The following GABRG3 variants were observed in gnomAD, a reference collection of about 807,000 sequenced individuals.
The protein encoded by GABRG3 is gamma-aminobutyric acid type A receptor subunit gamma3, also known as gamma-aminobutyric acid receptor subunit gamma-3.
Under a neutral mutation model 48.8 loss-of-function variants are expected in GABRG3, and 25 were observed. The ratio of observed to expected loss-of-function variants is 0.51; its 90% CI spans 0.37 to 0.72. The LOEUF is 0.72. Among genes scored for constraint, GABRG3 ranks in the 30% least tolerant of loss-of-function variants. The probability of loss-of-function intolerance (pLI) is 0.00; values close to 1 mark genes in which losing one functional copy is unlikely to be tolerated. For missense variants in GABRG3, 394 were observed against 577.9 expected (o/e 0.68, Z 3.26); for synonymous variants, 227 against 217.6 (o/e 1.04, Z -0.38).
chr15:27,442,343 C>G (rs1247724858), intron 5 of GABRG3, among the ~76,000 whole-genome samples: 1 of 152,244 alleles, frequency 6.6e-6, no homozygotes, highest in Non-Finnish European at 1.5e-5. Context: ...TACCCACAGC[C>G]TCAGGAAGAT....
At chr15:27,394,845 A>T (rs1887252915) in intron 5 of GABRG3, among the ~76,000 whole-genome samples, 1 of 151,992 alleles carries the variant, frequency 6.6e-6, no homozygotes, top group East Asian at 1.9e-4. Context: ...CCCTTGTACT[A>T]TGAGATTTTT....
intron 5 of GABRG3, among the ~76,000 whole-genome samples, chr15:27,479,186 T>C (rs1426343577): frequency 6.6e-6 from 1 of 151,940 alleles, no homozygotes; most frequent in Non-Finnish European, 1.5e-5. Context: ...ATGTGCATTA[T>C]GTCTCAAATA....
intron 2 of GABRG3, among the ~76,000 whole-genome samples, chr15:26,989,108 A>G (rs941545324): frequency 2.0e-5 from 3 of 152,168 alleles, no homozygotes; most frequent in Admixed American, 6.5e-5. Context: ...TTGGTAACCA[A>G]TAGTCTAATT....
In GABRG3 at chr15:27,319,783, T is replaced by C. The variant is rs1893358199; in HGVS notation, c.271-7026T>C. Among the ~76,000 whole-genome samples, 1 of 152,140 alleles carries C rather than the reference T, an allele frequency of 6.6e-6. No homozygotes were observed. The highest frequency in any genetic ancestry group is 2.4e-5 in the African/African-American group (1 of 41,426). ...AGCACGATACACGGAGCCTTGAGTA[T>C]CATGCAAAGAATATTAACCCCAATT... On this transcript the variant is annotated intron_variant, in intron 3 of 9. Transcript: ENST00000615808. This position sits in a 1 kb window ranked among gnomAD's most constrained non-coding sequence, Gnocchi z 4.4.
At chr15:27,200,597 C>T (rs953823133) in intron 3 of GABRG3, among the ~76,000 whole-genome samples, 10 of 152,158 alleles carry the variant, frequency 6.6e-5, no homozygotes, top group Non-Finnish European at 4.4e-5. Context: ...ACCCTTTTCA[C>T]CTCTTAGAGG....
intron 5 of GABRG3, among the ~76,000 whole-genome samples, chr15:27,403,592 A>C (rs1280206263): frequency 6.6e-6 from 1 of 152,178 alleles, no homozygotes; most frequent in Non-Finnish European, 1.5e-5. Context: ...TGGAATTCAG[A>C]AGACAACGGA....
chr15:27,312,152 A>G (rs1893018128), intron 3 of GABRG3, among the ~76,000 whole-genome samples: 1 of 152,180 alleles, frequency 6.6e-6, no homozygotes, highest in Non-Finnish European at 1.5e-5. Context: ...GAAGAATAAT[A>G]ACTCAGCCGA....
chr15:27,279,880 A>G (rs939090790), intron 3 of GABRG3, among the ~76,000 whole-genome samples: 1 of 152,204 alleles, frequency 6.6e-6, no homozygotes, highest in Non-Finnish European at 1.5e-5. Context: ...CTTCCAATCC[A>G]TGAAAAAAGG....
chr15:27,433,944 C>T (rs1349166875), intron 5 of GABRG3, among the ~76,000 whole-genome samples: 4 of 152,138 alleles, frequency 2.6e-5, no homozygotes, highest in African/African-American at 9.7e-5. Flanking sequence ...CAAATGTTTA[C>T]CTCCCCCCAA....
intron 5 of GABRG3, among the ~76,000 whole-genome samples, chr15:27,399,113 G>A (rs1887405528): frequency 6.6e-6 from 1 of 152,166 alleles, no homozygotes; most frequent in Non-Finnish European, 1.5e-5. Context: ...GGGTTCAAAA[G>A]CTAAAACAAT....
chr15:27,277,712 A>G (rs557706212), intron 3 of GABRG3, among the ~76,000 whole-genome samples: 1 of 152,330 alleles, frequency 6.6e-6, no homozygotes, highest in Admixed American at 6.5e-5. Context: ...ATTACAAAAG[A>G]CTTTGACCTT....
chr15:27,395,522 A>T (rs1450443692), intron 5 of GABRG3, among the ~76,000 whole-genome samples: 1 of 152,210 alleles, frequency 6.6e-6, no homozygotes, highest in Non-Finnish European at 1.5e-5. Flanking sequence ...TGAAAGTCTT[A>T]TTGTCAATAG....
chr15:27,293,297 C>A (rs1326386424), intron 3 of GABRG3, among the ~76,000 whole-genome samples: 4 of 152,130 alleles, frequency 2.6e-5, no homozygotes, highest in African/African-American at 7.2e-5. Context: ...CATTATATAA[C>A]AAAGATCTGA....
chr15:27,229,034 A>G (rs1044240207), intron 3 of GABRG3, among the ~76,000 whole-genome samples: 11 of 152,120 alleles, frequency 7.2e-5, no homozygotes, highest in Admixed American at 6.5e-4. Flanking sequence ...ATCTGTTAAT[A>G]TTTCCTTTTG....
intron 3 of GABRG3, among the ~76,000 whole-genome samples, chr15:27,118,453 G>A (rs1391644424): frequency 6.6e-6 from 1 of 152,102 alleles, no homozygotes; most frequent in East Asian, 1.9e-4. Context: ...ACAGCACCAG[G>A]GCAGATGACT....
At position 27,180,445 on chromosome 15, in the gene GABRG3, G is replaced by A. The variant is rs192664243; in HGVS notation, c.271-146364G>A. ...ACGTTGTGCATCCATTGTCACACTC[G>A]GGACTCTCTGCCTACCCTATGCTTG... On this transcript the variant is annotated intron_variant, in intron 3 of 9. Transcript: ENST00000615808. This position sits in a 1 kb window ranked among gnomAD's most constrained non-coding sequence, Gnocchi z 4.2. 6.4e-4 allele frequency among the ~76,000 whole-genome samples: 98 copies of A among 152,048 alleles called. No individual in the cohort carries two copies. The South Asian group carries it at 8.9e-3, about 14-fold the overall frequency.
At chr15:27,476,018 T>G (rs2150842651) in intron 5 of GABRG3, among the ~76,000 whole-genome samples, 1 of 152,124 alleles carries the variant, frequency 6.6e-6, no homozygotes, top group South Asian at 2.1e-4. Context: ...TGAACCAAGG[T>G]GAACCAAAGG....
intron 3 of GABRG3, among the ~76,000 whole-genome samples, chr15:27,320,508 C>A (rs547943585): frequency 6.6e-6 from 1 of 152,276 alleles, no homozygotes; most frequent in South Asian, 2.1e-4. Context: ...ACTGCAGAAT[C>A]CTAAACATGC....
chr15:26,998,753 T>A (rs1414060652), intron 2 of GABRG3, among the ~76,000 whole-genome samples: 2 of 152,166 alleles, frequency 1.3e-5, no homozygotes, highest in Non-Finnish European at 2.9e-5. Context: ...TGTGTTGACC[T>A]AACTTACCCA....
Sources: gnomAD v4.1 joint callset for allele counts (sites outside exome capture counted in the v4.1 genomes callset) on GRCh38, gnomAD v4.1.1 for gene constraint, Gnocchi (gnomAD v3.1) non-coding constraint, MANE v1.5 for transcripts, NCBI Gene and HGNC (gene_info 2026-07-23, HGNC 2026-07-21) for gene names.